PXDNL: variants seen among roughly 807,000 people sequenced by gnomAD.
PXDNL encodes the protein probable oxidoreductase PXDNL.
A neutral mutation model predicts 150.8 loss-of-function variants in PXDNL; 145 were observed. The ratio of observed to expected loss-of-function variants is 0.96; its 90% CI spans 0.84 to 1.10. PXDNL has a LOEUF of 1.10. Ranked by LOEUF, PXDNL falls within the 50% of genes least tolerant of loss-of-function variation. The pLI, the probability that PXDNL is intolerant of heterozygous loss-of-function variation, is 0.00. For synonymous variants in PXDNL, 757 were observed against 725.7 expected, an observed-to-expected ratio of 1.04 and a Z score of -0.69; for missense variants, 2,087 against 1,873.9, an observed-to-expected ratio of 1.11 and a Z score of -2.10.
chr8:51,411,037 A>C (rs539785689), intron 16 of PXDNL, among the ~76,000 whole-genome samples: 1 of 152,346 alleles, frequency 6.6e-6, no homozygotes, highest in African/African-American at 2.4e-5. Context: ...ATAACTTAAA[A>C]GTTGAGACAA....
chr8:51,336,914 C>G (rs142305583), intron 21 of PXDNL, among the ~76,000 whole-genome samples: 1 of 152,258 alleles, frequency 6.6e-6, no homozygotes, highest in Non-Finnish European at 1.5e-5. Context: ...CCGTGTCCAG[C>G]CTGTCACACA....
chr8:51,467,726 A>G (rs1244227708), intron 8 of PXDNL, among the ~76,000 whole-genome samples: 1 of 152,090 alleles, frequency 6.6e-6, no homozygotes, highest in Non-Finnish European at 1.5e-5. Flanking sequence ...TATAAACTGA[A>G]AGCCCAAGTC....
chr8:51,797,365 G>T (rs2037571772), intron 1 of PXDNL, among the ~76,000 whole-genome samples: 1 of 152,196 alleles, frequency 6.6e-6, no homozygotes, highest in African/African-American at 2.4e-5. Context: ...ATTCAAACTG[G>T]AAAAGAGGAA....
rs539964466 is a variant in PXDNL, at chr8:51,415,560, C to T, written c.1796-2302G>A. Among the ~76,000 whole-genome samples the T allele has an allele frequency of 3.9e-5, 6 of 152,278 alleles. No homozygotes were observed. The East Asian group carries it at 9.7e-4, about 24-fold the overall frequency. The stretch of plus-strand genomic sequence containing the variant: ...ATCACCTCCCACCAGGCCCCTCCTC[C>T]AACACTGGGGATTACAACTGGACAT... On this transcript the variant is annotated intron_variant, in intron 14 of 22. Transcript: ENST00000356297.
At chr8:51,642,289 TG>T (rs1470314134) in intron 2 of PXDNL, among the ~76,000 whole-genome samples, 1 of 151,944 alleles carries the variant, frequency 6.6e-6, no homozygotes, top group Non-Finnish European at 1.5e-5. Context: ...CACACCAGCA[TG>T]GGCACATGTA....
intron 19 of PXDNL, among the ~76,000 whole-genome samples, chr8:51,349,582 A>G (rs1487417486): frequency 6.6e-6 from 1 of 152,198 alleles, no homozygotes; most frequent in African/African-American, 2.4e-5. Flanking sequence ...AATCCTCAGC[A>G]CATGCTTGTG....
intron 17 of PXDNL, among the ~76,000 whole-genome samples, chr8:51,391,249 A>G (rs1306922293): frequency 6.6e-6 from 1 of 152,188 alleles, no homozygotes; most frequent in African/African-American, 2.4e-5. Flanking sequence ...TCCTTTGGGT[A>G]TATACCCAGT....
chr8:51,608,836 CAAAAAAAA>C (rs59195880), intron 2 of PXDNL, among the ~76,000 whole-genome samples: 1 of 59,568 alleles, frequency 1.7e-5, no homozygotes, highest in Non-Finnish European at 3.3e-5. Flanking sequence ...GACTCTGTCT[CAAAAAAAA>C]AAAAAAAAAA....
chr8:51,663,872 T>C (rs1280553864), intron 1 of PXDNL, among the ~76,000 whole-genome samples: 1 of 151,932 alleles, frequency 6.6e-6, no homozygotes, highest in Non-Finnish European at 1.5e-5. Context: ...GCCAACACAG[T>C]GAAACCCCGT....
chr8:51,655,958 A>C (rs183062830), intron 1 of PXDNL, among the ~76,000 whole-genome samples: 23 of 152,290 alleles, frequency 1.5e-4, no homozygotes, highest in African/African-American at 5.5e-4. Flanking sequence ...GATCCCTGAC[A>C]CCAGATGCTG....
chr8:51,763,321 A>G (rs1410623767), intron 1 of PXDNL, among the ~76,000 whole-genome samples: 1 of 70,564 alleles, frequency 1.4e-5, no homozygotes, highest in Admixed American at 1.2e-4. Context: ...TTAAAGTATT[A>G]AAAAAAAAAA....
intron 1 of PXDNL, among the ~76,000 whole-genome samples, chr8:51,696,959 A>G (rs1449275750): frequency 6.6e-6 from 1 of 152,216 alleles, no homozygotes; most frequent in Non-Finnish European, 1.5e-5. Context: ...TAATAGATGC[A>G]TCTCTCAGGA....
At chr8:51,511,335 C>G (rs1430896235) in intron 4 of PXDNL, among the ~76,000 whole-genome samples, 1 of 152,178 alleles carries the variant, frequency 6.6e-6, no homozygotes, top group Non-Finnish European at 1.5e-5. Flanking sequence ...TGGCTTAGAA[C>G]TTTAGACAGG....
At chr8:51,753,971 G>A (rs139386936) in intron 1 of PXDNL, among the ~76,000 whole-genome samples, 164 of 152,186 alleles carry the variant, frequency 1.1e-3, no homozygotes, top group African/African-American at 3.7e-3. Context: ...TATGTATCTC[G>A]ATTATCAAGC....
intron 19 of PXDNL, among the ~76,000 whole-genome samples, chr8:51,357,994 G>A (rs901583018): frequency 2.6e-5 from 4 of 152,166 alleles, no homozygotes; most frequent in African/African-American, 9.6e-5. Flanking sequence ...GTCTGGGATG[G>A]AAGGTGTCTG....
intron 8 of PXDNL, among the ~76,000 whole-genome samples, chr8:51,469,457 T>C (rs1810276390): frequency 6.6e-6 from 1 of 152,074 alleles, no homozygotes; most frequent in Non-Finnish European, 1.5e-5. Flanking sequence ...TCCTACTGGA[T>C]AGACACCAGA....
At chr8:51,360,831 GT>G (rs1806710189) in intron 19 of PXDNL, among the ~76,000 whole-genome samples, 3 of 152,188 alleles carry the variant, frequency 2.0e-5, no homozygotes. Flanking sequence ...CCTCACTTCT[GT>G]TTTCTGTACA....
intron 17 of PXDNL, among the ~76,000 whole-genome samples, chr8:51,387,343 G>T (rs757239017): frequency 5.3e-5 from 8 of 152,178 alleles, no homozygotes; most frequent in Non-Finnish European, 1.2e-4. Context: ...TTTGTTTCCA[G>T]GTGGGCATGC....
intron 1 of PXDNL, among the ~76,000 whole-genome samples, chr8:51,727,600 TA>T (rs1816838841): frequency 6.6e-6 from 1 of 152,152 alleles, no homozygotes; most frequent in Admixed American, 6.5e-5. Flanking sequence ...GAGCACTATG[TA>T]AGCAAACTGA....
Sources: gnomAD v4.1 joint callset for allele counts (sites outside exome capture counted in the v4.1 genomes callset) on GRCh38, gnomAD v4.1.1 for gene constraint, MANE v1.5 for transcripts, NCBI Gene and HGNC (gene_info 2026-07-23, HGNC 2026-07-21) for gene names.